LRP8: variants seen among roughly 807,000 people sequenced by gnomAD.
The protein encoded by LRP8 is low-density lipoprotein receptor-related protein 8.
LRP8 carries 46 observed loss-of-function variants against 111.6 expected under a neutral mutation model. The ratio of observed to expected loss-of-function variants is 0.41; its 90% confidence interval spans 0.33 to 0.53. LRP8 has a LOEUF of 0.53. Ranked by LOEUF, LRP8 falls within the 20% of genes least tolerant of loss-of-function variation. The pLI is 0.20. For missense variants in LRP8, 959 were observed against 1,297.4 expected (o/e 0.74, Z 4.01); for synonymous variants, 464 against 511.2 (o/e 0.91, Z 1.24).
chr1:53,314,491 T>C (rs1339077548), intron 2 of LRP8, among the ~76,000 whole-genome samples: 1 of 151,928 alleles, frequency 6.6e-6, no homozygotes, highest in Non-Finnish European at 1.5e-5. Flanking sequence ...AGAATGCAGG[T>C]AGGAAGGGAC....
At chr1:53,325,035 AG>A (rs972687300) in intron 2 of LRP8, among the ~76,000 whole-genome samples, 154 of 152,362 alleles carry the variant, frequency 1.0e-3, no homozygotes, top group Middle Eastern at 6.8e-3. Flanking sequence ...ATAAAGAGCC[AG>A]GGAGATAAGG....
intron 3 of LRP8, among the ~76,000 whole-genome samples, chr1:53,281,399 T>TG (rs1647105220): frequency 6.6e-6 from 1 of 152,244 alleles, no homozygotes; most frequent in African/African-American, 2.4e-5. Flanking sequence ...TATTCAAGGC[T>TG]GGGGACAGCT....
intron 2 of LRP8, among the ~76,000 whole-genome samples, chr1:53,300,952 A>G (rs1650714684): frequency 6.6e-6 from 1 of 152,036 alleles, no homozygotes; most frequent in Admixed American, 6.5e-5. Flanking sequence ...TTTCATGTGT[A>G]CCATTCAAAG....
Position 53,303,918 on chromosome 1 carries a change from C to A in LRP8, c.245-14229G>T, listed in dbSNP as rs115827290. Among the ~76,000 whole-genome samples, 685 of 152,046 alleles carry A rather than the reference C, an allele frequency of 4.5e-3. 4 individuals carry two copies. Among genetic ancestry groups the A allele is most frequent in the Non-Finnish European group, 7.7e-3 (524 of 67,914 alleles). On this transcript the variant is annotated intron_variant, in intron 2 of 18. Transcript: ENST00000306052. The surrounding 1 kb of genome is among the most constrained non-coding windows in gnomAD (Gnocchi z 4.3). Reference sequence around the variant, plus strand: ...GGAAATAAGCTCTCAACAGGAGATCCCCACTTTGTACAAATGGATTTTTCA... The same window carrying A: ...GGAAATAAGCTCTCAACAGGAGATCACCACTTTGTACAAATGGATTTTTCA...
chr1:53,315,586 C>T (rs563182513), intron 2 of LRP8, among the ~76,000 whole-genome samples: 41 of 152,330 alleles, frequency 2.7e-4, no homozygotes, highest in African/African-American at 8.9e-4. Flanking sequence ...TGGTAGGGCC[C>T]TGCTGTTATC....
chr1:53,280,439 T>A, intron 4 of LRP8, 148 bp downstream of exon 4: 2 of 941,480 alleles, frequency 2.1e-6, no homozygotes, highest in Non-Finnish European at 3.1e-6. Flanking sequence ...CCATAGAATC[T>A]AGCCATTACT....
rs1044752138 is a variant in LRP8 at position 53,262,622 on chromosome 1, G to C, written c.1656-58C>G. 2.6e-5 allele frequency: 35 copies of C among 1,323,112 alleles called. 2 individuals carry two copies. The Admixed American group carries it at 5.5e-4, about 21-fold the overall frequency. The allele number at this position is 1,323,112 out of a possible 1,614,324, so 82.0% of individuals were successfully genotyped here. A position where few individuals can be genotyped will look rare whatever the true frequency, so the allele number is the denominator to read the frequency against. On this transcript the variant is annotated intron_variant, in intron 10 of 18. Coordinates refer to ENST00000306052, the MANE Select transcript of LRP8 (RefSeq NM_004631.5). This position sits in a 1 kb window ranked among gnomAD's most constrained non-coding sequence, Gnocchi z 4.8. ...GCTGGGGACATGACCGGGGTGGTCT[G>C]AGTCACAAGAGCTCAATAACCCATT...
Position 53,294,274 on chromosome 1 carries a change from T to C in LRP8, c.245-4585A>G, listed in dbSNP as rs1205405383. On this transcript the variant is annotated intron_variant, in intron 2 of 18. Coordinates refer to ENST00000306052, the MANE Select transcript of LRP8 (RefSeq NM_004631.5). This position sits in a 1 kb window ranked among gnomAD's most constrained non-coding sequence, Gnocchi z 4.1. ...CATAATCTGGTGCCATGGCAACAGA[T>C]GGGCTGCCACAAAGGACTAGGGGAT... 2.0e-5 allele frequency among the ~76,000 whole-genome samples: 3 copies of C among 152,110 alleles called. No individual in the cohort carries two copies. The highest frequency in any genetic ancestry group is 7.2e-5 in the African/African-American group (3 of 41,410).
chr1:53,301,659 A>T (rs1261163296), intron 2 of LRP8, among the ~76,000 whole-genome samples: 1 of 151,074 alleles, frequency 6.6e-6, no homozygotes, highest in Non-Finnish European at 1.5e-5. Context: ...TGAGCCCGGG[A>T]GGTTGAGGCT....
intron 3 of LRP8, among the ~76,000 whole-genome samples, chr1:53,284,553 G>A (rs1005087515): frequency 1.3e-5 from 2 of 152,132 alleles, no homozygotes; most frequent in Non-Finnish European, 2.9e-5. Context: ...TTGGCTGTAC[G>A]CTCCACCTCC....
At chr1:53,271,466 G>C in intron 6 of LRP8, 120 bp from the exon 7 acceptor site, 1 of 1,126,616 alleles carries the variant, frequency 8.9e-7, no homozygotes, top group South Asian at 1.4e-5. Context: ...AGAGGCAGGA[G>C]GGCTCCACAA....
At chr1:53,267,797 T>C (rs1646629782) in intron 8 of LRP8, 3 of 152,206 alleles carry the variant, frequency 2.0e-5, no homozygotes, top group Non-Finnish European at 4.4e-5. Context: ...TCTGAGGGCC[T>C]AGCACCAGCT....
intron 2 of LRP8, among the ~76,000 whole-genome samples, chr1:53,313,851 G>A (rs920000451): frequency 2.0e-5 from 3 of 152,226 alleles, no homozygotes. Context: ...AGCGAGGAAA[G>A]GGTGTAGCTT....
intron 4 of LRP8, among the ~76,000 whole-genome samples, chr1:53,277,641 C>A (rs547143984): frequency 2.6e-5 from 4 of 152,184 alleles, no homozygotes; most frequent in Non-Finnish European, 5.9e-5. Context: ...AGCCTTTACT[C>A]AAGTTGCTCC....
intron 2 of LRP8, among the ~76,000 whole-genome samples, chr1:53,322,728 G>A (rs1398806262): frequency 1.3e-5 from 2 of 152,218 alleles, no homozygotes; most frequent in Non-Finnish European, 2.9e-5. Flanking sequence ...CTCCATCCAC[G>A]AAGGAGATGA....
chr1:53,308,915 A>G (rs970313772), intron 2 of LRP8, among the ~76,000 whole-genome samples: 1 of 152,214 alleles, frequency 6.6e-6, no homozygotes, highest in African/African-American at 2.4e-5. Context: ...GTGTTTCCCC[A>G]CCTCTCTGTG....
rs1316088501 is a variant in LRP8 at position 53,303,595 on chromosome 1, C to G, written c.245-13906G>C. Among the ~76,000 whole-genome samples, 1 of 152,254 alleles carries G rather than the reference C, an allele frequency of 6.6e-6. No homozygotes were observed. The highest frequency in any genetic ancestry group is 1.5e-5 in the Non-Finnish European group (1 of 68,042). ...TGAGAATCGTAAAACACACAATTTA[C>G]AAGTACTTAGGCTCATTCCGTTGAA... On this transcript the variant is annotated intron_variant, in intron 2 of 18. Transcript: ENST00000306052. The surrounding 1 kb of genome is among the most constrained non-coding windows in gnomAD (Gnocchi z 4.3).
At chr1:53,299,226 C>T (rs1400344389) in intron 2 of LRP8, among the ~76,000 whole-genome samples, 3 of 152,176 alleles carry the variant, frequency 2.0e-5, no homozygotes, top group Non-Finnish European at 4.4e-5. Context: ...TGGCGGGTCC[C>T]TGGCTGCTAC....
At position 53,288,672 on chromosome 1, in the gene LRP8, C is replaced by T. The variant is rs780139837; in HGVS notation, c.367+895G>A. 3.0e-4 allele frequency among the ~76,000 whole-genome samples: 45 copies of T among 152,104 alleles called. 1 individual carries two copies. Among genetic ancestry groups the T allele is most frequent in the Non-Finnish European group, 2.9e-5 (2 of 68,004 alleles). On this transcript the variant is annotated intron_variant, in intron 3 of 18. Coordinates refer to ENST00000306052, the MANE Select transcript of LRP8 (RefSeq NM_004631.5). ...ATTGTCCCCACCTCTGCCTCTGGGA[C>T]GACTGTTACCCCTAAACAGGGGCTC...
Sources: allele counts gnomAD v4.1 joint callset (sites outside exome capture counted in the v4.1 genomes callset), GRCh38; gene constraint gnomAD v4.1.1; non-coding constraint Gnocchi (gnomAD v3.1); transcripts MANE v1.5; gene names NCBI Gene and HGNC (gene_info 2026-07-23, HGNC 2026-07-21).